CD163L1: variants seen among roughly 807,000 people sequenced by gnomAD.
CD163L1 encodes CD163 molecule like 1, also known as scavenger receptor cysteine-rich type 1 protein M160.
In CD163L1, 124 loss-of-function variants were observed where a neutral mutation model predicts 165.4. The ratio of observed to expected loss-of-function variants is 0.75; its 90% CI spans 0.65 to 0.87. The LOEUF (loss-of-function observed/expected upper bound fraction) is 0.87, where lower values mean the gene tolerates loss of function less well. Ranked by LOEUF, CD163L1 falls within the 40% of genes least tolerant of loss-of-function variation. CD163L1 has a pLI of 0.00. For synonymous variants in CD163L1, 585 were observed against 662.2 expected (o/e 0.88, Z 1.79); for missense variants, 1,525 against 1,799.9 (o/e 0.85, Z 2.76).
chr12:7,335,739 A>C, the CD163L1 span, among the ~76,000 whole-genome samples: 1 of 152,262 alleles, frequency 6.6e-6, no homozygotes, highest in Non-Finnish European at 1.5e-5. Context: ...GAATGGGAGA[A>C]AATTTTTGCA....
downstream of CD163L1, among the ~76,000 whole-genome samples, chr12:7,353,687 A>G (rs2136367055): frequency 6.6e-6 from 1 of 152,214 alleles, no homozygotes; most frequent in African/African-American, 2.4e-5. Context: ...GAGTGACAGA[A>G]ACATTCCAAA....
intron 18 of CD163L1, among the ~76,000 whole-genome samples, chr12:7,366,816 T>TA (rs1947030782): frequency 6.6e-6 from 1 of 152,094 alleles, no homozygotes; most frequent in Non-Finnish European, 1.5e-5. Flanking sequence ...AAAATTATTT[T>TA]AAAAATAATT....
the CD163L1 span, chr12:7,323,633 T>C: frequency 7.4e-7 from 1 of 1,351,826 alleles, no homozygotes; most frequent in Non-Finnish European, 1.0e-6. Context: ...CGTGTCTTGC[T>C]ATGTAATCTT....
the CD163L1 span, among the ~76,000 whole-genome samples, chr12:7,336,409 C>CA: frequency 6.6e-6 from 1 of 152,004 alleles, no homozygotes; most frequent in African/African-American, 2.4e-5. Flanking sequence ...ATTGCGAGGA[C>CA]AAAAAACCAA....
chr12:7,352,539 G>T (rs1946714614), downstream of CD163L1, among the ~76,000 whole-genome samples: 2 of 152,230 alleles, frequency 1.3e-5, no homozygotes, highest in Non-Finnish European at 2.9e-5. Flanking sequence ...GACTTCAAAA[G>T]TACTTGAACT....
At chr12:7,399,479 C>CTTA (rs1947869209) in intron 6 of CD163L1, among the ~76,000 whole-genome samples, 1 of 150,708 alleles carries the variant, frequency 6.6e-6, no homozygotes. Context: ...TCCTTCCTTC[C>CTTA]TTCTTCTTCC....
rs933317412 is a variant in CD163L1, at chr12:7,400,600, C to A, written c.1409-2016G>T. On this transcript the variant is annotated intron_variant, in intron 6 of 19. Coordinates refer to ENST00000313599, the MANE Select transcript of CD163L1 (RefSeq NM_174941.6). This position sits in a 1 kb window ranked among gnomAD's most constrained non-coding sequence, Gnocchi z 4.1. ...AGGTGCAATCATAGCACCTTACAGT[C>A]TCTATCTCCTGGGCTCAAGTGATAT... Among the ~76,000 whole-genome samples the A allele has an allele frequency of 1.3e-5, 2 of 152,088 alleles. No individual in the cohort carries two copies. Among genetic ancestry groups the A allele is most frequent in the Non-Finnish European group, 2.9e-5 (2 of 68,018 alleles).
At chr12:7,441,420 C>T (rs1645903628) in intron 1 of CD163L1, among the ~76,000 whole-genome samples, 174 bp from the exon 2 acceptor site, 1 of 152,144 alleles carries the variant, frequency 6.6e-6, no homozygotes, top group Non-Finnish European at 1.5e-5. Context: ...AGGACTAGCT[C>T]CTGTTTGTGA....
intron 8 of CD163L1, among the ~76,000 whole-genome samples, chr12:7,392,147 A>G (rs1189181620): frequency 6.6e-6 from 1 of 152,208 alleles, no homozygotes; most frequent in African/African-American, 2.4e-5. Context: ...GATCACACTT[A>G]TTCTAAAATT....
downstream of CD163L1, among the ~76,000 whole-genome samples, chr12:7,353,613 A>T (rs1946724365): frequency 6.6e-6 from 1 of 152,094 alleles, no homozygotes; most frequent in Non-Finnish European, 1.5e-5. Context: ...AAGAATGAAT[A>T]ATCTTTATTT....
chr12:7,420,997 A>ACG (rs1491566922), intron 4 of CD163L1, among the ~76,000 whole-genome samples: 2 of 123,528 alleles, frequency 1.6e-5, no homozygotes, highest in Non-Finnish European at 3.3e-5. Context: ...ATATATATAC[A>ACG]TATATATATA....
Position 7,368,800 on chromosome 12 carries a change from C to A in CD163L1, c.4072+133G>T. 1.0e-6 allele frequency: 1 copy of A among 953,174 alleles called. No individual in the cohort carries two copies. The highest frequency in any genetic ancestry group is 1.7e-6 in the Non-Finnish European group (1 of 600,828). The allele number at this position is 953,174 out of a possible 1,614,324, so 59.0% of individuals were successfully genotyped here. ...AGCAGTCACAGAGCTATTGATACCA[C>A]TGGCTGCGACCCACAGACTCATATT... On this transcript the variant is annotated intron_variant, in intron 16 of 19. Coordinates refer to ENST00000313599, the MANE Select transcript of CD163L1 (RefSeq NM_174941.6). This position sits in a 1 kb window ranked among gnomAD's most constrained non-coding sequence, Gnocchi z 4.3.
intron 4 of CD163L1, among the ~76,000 whole-genome samples, chr12:7,426,164 C>CA (rs376062974): frequency 1.1e-3 from 169 of 152,156 alleles, no homozygotes; most frequent in African/African-American, 3.7e-3. Context: ...AGCTGGAAAC[C>CA]ATCATTCTCA....
intron 2 of CD163L1, 111 bp from the exon 3 acceptor site, chr12:7,433,805 C>A (rs1948673625): frequency 2.6e-6 from 2 of 773,332 alleles, no homozygotes; most frequent in Non-Finnish European, 2.0e-6. Flanking sequence ...GTTATTAGAA[C>A]TTATAGTAGA....
intron 9 of CD163L1, among the ~76,000 whole-genome samples, chr12:7,377,865 G>A (rs1947304873): frequency 6.6e-6 from 1 of 152,050 alleles, no homozygotes. Context: ...CTTGAATCTA[G>A]GCTTTAAAAA....
intron 2 of CD163L1, chr12:7,439,143 C>A (rs1322830487): frequency 3.6e-5 from 56 of 1,574,676 alleles, no homozygotes; most frequent in Non-Finnish European, 4.7e-5. Context: ...TCTCTGCTGT[C>A]GGAATGTAGC....
In CD163L1 at chr12:7,379,136, C is replaced by G; in HGVS notation, c.2213G>C (p.Arg738Thr). 1 of 1,614,142 alleles carries G rather than the reference C, an allele frequency of 6.2e-7. No homozygotes were observed. ...CRQLECGSAI[R>T]VSREPHFTER... The stretch of plus-strand genomic sequence containing the variant: ...TGTGAAATGAGGCTCTCTGGAGACC[C>G]TGATTGCAGACCCACATTCAAGTTG... The change falls in exon 9 of 20, where the codon AGG becomes ACG. Residue 738 changes from arginine (R) to threonine (T), a missense_variant. Arg to Thr is a moderately conservative substitution (Grantham distance 71). Transcript: ENST00000313599.
chr12:7,414,525 G>GA (rs1948199497), intron 4 of CD163L1, among the ~76,000 whole-genome samples: 1 of 150,914 alleles, frequency 6.6e-6, no homozygotes, highest in Admixed American at 6.6e-5. Flanking sequence ...AAGAGAAAAA[G>GA]AAAAACAACA....
the CD163L1 span, chr12:7,326,884 T>C: frequency 2.9e-6 from 4 of 1,364,938 alleles, no homozygotes; most frequent in Non-Finnish European, 3.9e-6. Context: ...CTGTTATTAA[T>C]AAATAGTAAG....
Sources: gnomAD v4.1 joint callset for allele counts (sites outside exome capture counted in the v4.1 genomes callset) on GRCh38, gnomAD v4.1.1 for gene constraint, Gnocchi (gnomAD v3.1) non-coding constraint, MANE v1.5 for transcripts, NCBI Gene and HGNC (gene_info 2026-07-23, HGNC 2026-07-21) for gene names.